Variants in MCM3 observed in about 807,000 individuals in gnomAD.
The protein encoded by MCM3 is DNA replication licensing factor MCM3.
In MCM3, 59 loss-of-function variants were observed where a neutral mutation model predicts 91.3. The observed-to-expected ratio is 0.65, with a 90% CI of 0.52 to 0.80. The LOEUF (loss-of-function observed/expected upper bound fraction) is 0.80. Among genes scored for constraint, MCM3 ranks in the 30% least tolerant of loss-of-function variants. MCM3 has a pLI of 0.00. For synonymous variants in MCM3, 383 were observed against 379.6 expected (o/e 1.01, Z -0.10); for missense variants, 919 against 1,035.4 (o/e 0.89, Z 1.54).
chr6:52,280,628 G>GT (rs1308877463), intron 4 of MCM3, among the ~76,000 whole-genome samples: 1 of 152,210 alleles, frequency 6.6e-6, no homozygotes, highest in Admixed American at 6.5e-5. Flanking sequence ...CTGGTCCAAT[G>GT]TATTTCACTT....
chr6:52,264,295 T>C lies in MCM3; in HGVS notation c.*293A>G, dbSNP rs567914270. 1.1e-5 allele frequency: 4 copies of C among 363,158 alleles called. No individual in the cohort carries two copies. The highest frequency in any genetic ancestry group is 1.1e-4 in the East Asian group (2 of 17,790). 22.5% of individuals were successfully genotyped at this position (363,158 alleles called of 1,614,324 possible). ...CTCAGAAGTCATATGTTATTTACAATTGGGTTTGTGTGGGATGGGAAGTAG... is the reference window on the plus strand; with the variant it reads ...CTCAGAAGTCATATGTTATTTACAACTGGGTTTGTGTGGGATGGGAAGTAG... On this transcript the variant is annotated 3_prime_UTR_variant, in exon 17 of 17. Transcript: ENST00000596288.
intron 4 of MCM3, 51 bp downstream of exon 4, chr6:52,281,994 G>T (rs1450069880): frequency 4.4e-6 from 7 of 1,591,906 alleles, no homozygotes; most frequent in Non-Finnish European, 6.0e-6. Flanking sequence ...CTTAAAACAG[G>T]TATCTTTGAT....
rs746029558 is a variant in MCM3 at position 52,267,861 on chromosome 6, T to C, written c.2072+4A>G. ...TTTAATCTCATTTGCTTGCCCCACC[T>C]TACCTCTTCCTCTTCTGCTCCTGGT... On this transcript the variant is annotated splice_donor_region_variant and intron_variant, in intron 14 of 16. Transcript: ENST00000596288. The C allele has an allele frequency of 9.8e-7, 1 of 1,015,326 alleles. No individual in the cohort carries two copies. The highest frequency in any genetic ancestry group is 1.3e-5 in the South Asian group (1 of 74,666). The allele number at this position is 1,015,326 out of a possible 1,614,324, so 62.9% of individuals were successfully genotyped here.
chr6:52,284,740 C>A lies in MCM3; in HGVS notation c.-66G>T. On this transcript the variant is annotated 5_prime_UTR_variant, in exon 1 of 17. Transcript: ENST00000596288. ...GGTTCCCAGGATGACTCCACCCCGG[C>A]GCGAAAACTTCCGAACTCTTCCCGC... 1 of 1,550,178 alleles carries A rather than the reference C, an allele frequency of 6.5e-7. No individual in the cohort carries two copies.
At chr6:52,265,233 AC>A in intron 16 of MCM3, 1 of 402,324 alleles carries the variant, frequency 2.5e-6, no homozygotes, top group Non-Finnish European at 5.0e-6. Context: ...ACCCATCCAT[AC>A]CATGGAAACC....
intron 14 of MCM3, 74 bp from the exon 15 acceptor site, chr6:52,266,770 TCTAA>T: frequency 9.0e-7 from 1 of 1,115,280 alleles, no homozygotes; most frequent in Non-Finnish European, 1.4e-6. Context: ...ATCACGTGCC[TCTAA>T]CTACGGAGAA....
intron 15 of MCM3, among the ~76,000 whole-genome samples, 184 bp from the exon 16 acceptor site, chr6:52,266,328 G>A (rs563862946): frequency 1.1e-4 from 16 of 152,202 alleles, no homozygotes; most frequent in Non-Finnish European, 1.6e-4. Flanking sequence ...ATTGGATGAT[G>A]AAGGAATTTA....
rs373762869 is a variant in MCM3 at position 52,264,787 on chromosome 6, C to G, written c.2229-1G>C. On this transcript the variant is annotated splice_acceptor_variant, in intron 16 of 16. Coordinates refer to ENST00000596288, the MANE Select transcript of MCM3 (RefSeq NM_002388.6). LOFTEE classifies it high-confidence loss of function. ...GAGGGCCACCTTGAATGCCTTCAAC[C>G]TGCCCCAGACAGAAGAAAGGGGGAA... The G allele has an allele frequency of 6.2e-7, 1 of 1,613,614 alleles. No individual in the cohort carries two copies. The highest frequency in any genetic ancestry group is 1.3e-5 in the African/African-American group (1 of 75,038).
chr6:52,273,722 T>C lies in MCM3; in HGVS notation c.1549+20A>G. 1 of 1,594,232 alleles carries C rather than the reference T, an allele frequency of 6.3e-7. No homozygotes were observed. Among genetic ancestry groups the C allele is most frequent in the Non-Finnish European group, 8.6e-7 (1 of 1,169,218 alleles). On this transcript the variant is annotated intron_variant, in intron 10 of 16. Transcript: ENST00000596288. ...TTAGCGCCTTTCCATTAGTTACTCT[T>C]ACTATTCTTATGGCCTCACCATCGC...
At position 52,277,452 on chromosome 6, in the gene MCM3, C is replaced by T. The variant is rs17246345; in HGVS notation, c.1033+83G>A. The T allele has an allele frequency of 1.3e-3, 1,747 of 1,384,246 alleles. 16 individuals carry two copies. The African/African-American group carries it at 0.022, about 17-fold the overall frequency. 85.7% of individuals were successfully genotyped at this position (1,384,246 alleles called of 1,614,324 possible). A position where few individuals can be genotyped will look rare whatever the true frequency, so the allele number is the denominator to read the frequency against. On this transcript the variant is annotated intron_variant, in intron 7 of 16. Coordinates refer to ENST00000596288, the MANE Select transcript of MCM3 (RefSeq NM_002388.6). ...GATAGGACTGAAATACTGCTAAGTA[C>T]AGAATATACAATCTTACATATTATA...
chr6:52,264,363 T>C lies in MCM3; in HGVS notation c.*225A>G, dbSNP rs1764472017. 3 of 535,896 alleles carry C rather than the reference T, an allele frequency of 5.6e-6. No individual in the cohort carries two copies. Among genetic ancestry groups the C allele is most frequent in the South Asian group, 2.1e-5 (1 of 47,176 alleles). The allele number at this position is 535,896 out of a possible 1,614,324, so 33.2% of individuals were successfully genotyped here. ...TTTTGCAATGAAGATGCAATAGTCATTGTCCTCTCCCACTGTCTCCTCTTT... is the reference window on the plus strand; with the variant it reads ...TTTTGCAATGAAGATGCAATAGTCACTGTCCTCTCCCACTGTCTCCTCTTT... On this transcript the variant is annotated 3_prime_UTR_variant, in exon 17 of 17. Coordinates refer to ENST00000596288, the MANE Select transcript of MCM3 (RefSeq NM_002388.6).
Position 52,270,047 on chromosome 6 carries a change from C to T in MCM3, c.1828-821G>A, listed in dbSNP as rs528708926. Among the ~76,000 whole-genome samples, 382 of 152,248 alleles carry T rather than the reference C, an allele frequency of 2.5e-3. 3 individuals are homozygous for T. The highest frequency in any genetic ancestry group is 5.6e-3 in the African/African-American group (232 of 41,560). ...ATCAGACATGAAACTACTTCCAGCC[C>T]GGACGTGGTGGCTCACATCTGTAAT... On this transcript the variant is annotated intron_variant, in intron 12 of 16. Transcript: ENST00000596288.
In MCM3 at chr6:52,269,168, G is replaced by A. The variant is rs772883621; in HGVS notation, c.1886C>T (p.Ala629Val). The A allele has an allele frequency of 6.2e-6, 10 of 1,613,820 alleles. No homozygotes were observed. Among genetic ancestry groups the A allele is most frequent in the African/African-American group, 5.3e-5 (4 of 74,920 alleles). Residue 629 changes from alanine (A) to valine (V), a missense_variant, in exon 13 of 17, where the codon GCG becomes GTG. Physicochemically the swap from Ala to Val is moderately conservative, Grantham distance 64. Transcript: ENST00000596288. ...ETLIRLATAH[A>V]KARMSKTVDL... Reference sequence around the variant, plus strand: ...CACAGTCTTGCTCATGCGGGCCTTCGCATGGGCTGTGGCCAGTCGAATCAG... The same window carrying A: ...CACAGTCTTGCTCATGCGGGCCTTCACATGGGCTGTGGCCAGTCGAATCAG...
intron 6 of MCM3, 141 bp from the exon 7 acceptor site, chr6:52,277,829 G>C (rs1174865918): frequency 1.5e-6 from 1 of 650,398 alleles, no homozygotes; most frequent in African/African-American, 1.8e-5. Flanking sequence ...AGCACTTTGG[G>C]AGGCCGAGGC....
rs377151002 is a variant in MCM3 at position 52,264,791 on chromosome 6, C to T, written c.2229-5G>A. 149 of 1,613,404 alleles carry T rather than the reference C, an allele frequency of 9.2e-5. No homozygotes were observed. The highest frequency in any genetic ancestry group is 1.2e-4 in the Non-Finnish European group (143 of 1,179,880). ...GCCACCTTGAATGCCTTCAACCTGC[C>T]CCAGACAGAAGAAAGGGGGAAGAGG... is the stretch of plus-strand genomic sequence containing the variant. On this transcript the variant is annotated splice_region_variant and splice_polypyrimidine_tract_variant and intron_variant, in intron 16 of 16. Transcript: ENST00000596288.
chr6:52,265,520 TAG>T (rs148804592), intron 16 of MCM3: 2,369 of 163,750 alleles, frequency 0.014, 57 homozygotes, highest in African/African-American at 0.054. Context: ...CCTTGAGGGA[TAG>T]AGTTACAATT....
intron 11 of MCM3, 79 bp from the exon 12 acceptor site, chr6:52,272,530 A>C (rs2128278653): frequency 6.4e-7 from 1 of 1,560,432 alleles, no homozygotes; most frequent in Non-Finnish European, 8.8e-7. Context: ...CCTCTCAGAA[A>C]AGCCAGGGTC....
Position 52,279,215 on chromosome 6 carries a change from G to A in MCM3, c.770+146C>T. Reference sequence around the variant, plus strand: ...ACCAGCTTTATCTGATAGAAAAGAGGTATTGAAGGTATCCTGTCTCCCAGG... The same window carrying A: ...ACCAGCTTTATCTGATAGAAAAGAGATATTGAAGGTATCCTGTCTCCCAGG... On this transcript the variant is annotated intron_variant, in intron 5 of 16. Transcript: ENST00000596288. The A allele has an allele frequency of 7.3e-6, 5 of 684,780 alleles. No homozygotes were observed. In the East Asian group the frequency reaches 7.5e-5, roughly 10 times the overall value. 42.4% of individuals were successfully genotyped at this position (684,780 alleles called of 1,614,324 possible).
Position 52,284,627 on chromosome 6 carries a change from C to G in MCM3, c.48G>C (p.Gln16His). The part of the protein sequence containing the change: ...VLDDVELREA[Q>H]RDYLDFLDDE... Reference sequence around the variant, plus strand: ...CGTCCAGGAAGTCCAGGTAATCTCTCTGAGCCTCCCGCAGCTCCACATCGT... The same window carrying G: ...CGTCCAGGAAGTCCAGGTAATCTCTGTGAGCCTCCCGCAGCTCCACATCGT... Residue 16 changes from glutamine to histidine, a missense_variant, in exon 1 of 17, where the codon CAG becomes CAC. Transcript: ENST00000596288. 1 of 1,608,320 alleles carries G rather than the reference C, an allele frequency of 6.2e-7. No homozygotes were observed. Among genetic ancestry groups the G allele is most frequent in the East Asian group, 2.2e-5 (1 of 44,696 alleles).
Sources: allele counts gnomAD v4.1 joint callset (sites outside exome capture counted in the v4.1 genomes callset), GRCh38; gene constraint gnomAD v4.1.1; transcripts MANE v1.5; gene names NCBI Gene and HGNC (gene_info 2026-07-23, HGNC 2026-07-21).